BANP: variants seen among roughly 807,000 people sequenced by gnomAD.
BANP encodes the protein protein BANP.
Under a neutral mutation model 68.1 loss-of-function variants are expected in BANP, and 11 were observed. The ratio of observed to expected loss-of-function variants is 0.16; its 90% CI spans 0.10 to 0.27. The LOEUF is 0.27. Ranked by LOEUF, BANP falls within the 10% of genes least tolerant of loss-of-function variation. BANP has a pLI of 1.00. For synonymous variants in BANP, 329 were observed against 303.2 expected, an observed-to-expected ratio of 1.09 and a Z score of -0.88; for missense variants, 504 against 722.7, an observed-to-expected ratio of 0.70 and a Z score of 3.47.
intron 11 of BANP, among the ~76,000 whole-genome samples, chr16:88,040,551 G>A (rs1284223704): frequency 6.6e-6 from 1 of 152,160 alleles, no homozygotes; most frequent in East Asian, 1.9e-4. Flanking sequence ...GCCTACAGAA[G>A]CCCCGAGCAG....
intron 1 of BANP, chr16:87,966,772 AG>A (rs2060092164): frequency 3.3e-5 from 5 of 152,252 alleles, no homozygotes; most frequent in Admixed American, 3.3e-4. Flanking sequence ...TGTTTGTGGA[AG>A]GGCCTCGGCA....
chr16:87,958,852 G>A (rs890250027), intron 1 of BANP, among the ~76,000 whole-genome samples: 2 of 152,192 alleles, frequency 1.3e-5, no homozygotes, highest in African/African-American at 4.8e-5. Context: ...TGAGCTCAGC[G>A]GCACAAACTC....
chr16:88,042,555 C>T (rs1038636851), intron 11 of BANP, among the ~76,000 whole-genome samples: 13 of 152,232 alleles, frequency 8.5e-5, no homozygotes, highest in Non-Finnish European at 1.6e-4. Context: ...GTTCCAGCAT[C>T]GCTGGCTGGG....
At chr16:88,046,703 G>A (rs1429401696) in intron 11 of BANP, among the ~76,000 whole-genome samples, 4 of 151,334 alleles carry the variant, frequency 2.6e-5, no homozygotes, top group South Asian at 2.1e-4. Context: ...ACCCGCCACC[G>A]CACCCGGCTA....
In BANP at chr16:88,018,127, C is replaced by T. The variant is rs533926638; in HGVS notation, c.656-301C>T. On this transcript the variant is annotated intron_variant, in intron 6 of 13. Transcript: ENST00000682872. The surrounding 1 kb of genome is among the most constrained non-coding windows in gnomAD (Gnocchi z 7.7). ...AAGGATATCGGTATTGCTGGGGTCCCGGGTCCAGGGTGAGCAGAGTGTGTG... is the reference window on the plus strand; with the variant it reads ...AAGGATATCGGTATTGCTGGGGTCCTGGGTCCAGGGTGAGCAGAGTGTGTG... Among the ~76,000 whole-genome samples, 4 of 151,986 alleles carry T rather than the reference C, an allele frequency of 2.6e-5. No homozygotes were observed. Among genetic ancestry groups the T allele is most frequent in the Non-Finnish European group, 2.9e-5 (2 of 67,984 alleles).
intron 11 of BANP, 26 bp downstream of exon 11, chr16:88,038,037 T>TG: frequency 6.4e-7 from 1 of 1,574,038 alleles, no homozygotes; most frequent in South Asian, 1.1e-5. Context: ...CCCATGCACA[T>TG]GCGGGCGTTG....
chr16:88,017,026 G>A (rs1488681879), intron 6 of BANP, among the ~76,000 whole-genome samples: 2 of 152,260 alleles, frequency 1.3e-5, no homozygotes, highest in Non-Finnish European at 1.5e-5. Context: ...GGGAGAGGCT[G>A]CTTGTGGAGG....
intron 1 of BANP, among the ~76,000 whole-genome samples, chr16:87,973,254 C>T (rs2061437204): frequency 7.6e-6 from 1 of 132,048 alleles, no homozygotes; most frequent in Non-Finnish European, 1.8e-5. Flanking sequence ...TATTTGTCAT[C>T]AGCTCTTTTT....
chr16:88,049,387 T>A (rs1275144164), intron 11 of BANP, among the ~76,000 whole-genome samples: 1 of 152,156 alleles, frequency 6.6e-6, no homozygotes, highest in Non-Finnish European at 1.5e-5. Flanking sequence ...GCACAGAGCT[T>A]CCAGGCCTTC....
chr16:87,983,998 T>C (rs2063798816), intron 3 of BANP, 62 bp from the exon 4 acceptor site: 4 of 1,546,926 alleles, frequency 2.6e-6, no homozygotes, highest in Non-Finnish European at 8.7e-7. Flanking sequence ...TTGGTGTTTC[T>C]TGGGGTTGTC....
At position 87,957,696 on chromosome 16, in the gene BANP, G is replaced by A. The variant is rs1244912600; in HGVS notation, c.-69+6181G>A. 6.6e-6 allele frequency among the ~76,000 whole-genome samples: 1 copy of A among 152,268 alleles called. No individual in the cohort carries two copies. Among genetic ancestry groups the A allele is most frequent in the Non-Finnish European group, 1.5e-5 (1 of 68,046 alleles). On this transcript the variant is annotated intron_variant, in intron 1 of 13. Transcript: ENST00000682872. The surrounding 1 kb of genome is among the most constrained non-coding windows in gnomAD (Gnocchi z 4.3). ...GAAAGTAGAAACGCGTTTGGATGGAGCCGGGAGGGAGAACTGGGTGCGCGC... is the reference window on the plus strand; with the variant it reads ...GAAAGTAGAAACGCGTTTGGATGGAACCGGGAGGGAGAACTGGGTGCGCGC...
At chr16:87,964,864 G>A (rs2059765359) in intron 1 of BANP, among the ~76,000 whole-genome samples, 2 of 152,176 alleles carry the variant, frequency 1.3e-5, no homozygotes, top group African/African-American at 4.8e-5. Flanking sequence ...AAATTGAGGT[G>A]GAAAGTGTGG....
intron 1 of BANP, chr16:87,966,639 T>C (rs554891982): frequency 2.0e-5 from 3 of 152,314 alleles, no homozygotes; most frequent in African/African-American, 7.2e-5. Context: ...TTCAGAGCAT[T>C]TTCTGAAGCC....
chr16:87,981,241 C>T lies in BANP; in HGVS notation c.162+114C>T. The T allele has an allele frequency of 1.5e-5, 12 of 776,018 alleles. No homozygotes were observed. The South Asian group carries it at 1.7e-4, about 11-fold the overall frequency. 48.1% of individuals were successfully genotyped at this position (776,018 alleles called of 1,614,324 possible). ...AAATGTAGCCTCTCAGCTGTGGAGG[C>T]CAGAGATCCAAAATCAAGATGCAGG... On this transcript the variant is annotated intron_variant, in intron 3 of 13. Transcript: ENST00000682872.
chr16:88,071,187 T>G lies in BANP; in HGVS notation c.1378-882T>G. 1 of 336,560 alleles carries G rather than the reference T, an allele frequency of 3.0e-6. No individual in the cohort carries two copies. The highest frequency in any genetic ancestry group is 8.3e-5 in the East Asian group (1 of 12,088). 20.8% of individuals were successfully genotyped at this position (336,560 alleles called of 1,614,324 possible). On this transcript the variant is annotated intron_variant, in intron 12 of 13. Transcript: ENST00000682872. The surrounding 1 kb of genome is among the most constrained non-coding windows in gnomAD (Gnocchi z 6.5). ...GAGACTCTCAGTGCACAGAGTGCGG[T>G]TCTGTGTGGAGGTGTGGGATGCATC...
intron 11 of BANP, among the ~76,000 whole-genome samples, chr16:88,052,684 AC>A (rs1199345636): frequency 6.6e-6 from 1 of 151,720 alleles, no homozygotes; most frequent in Non-Finnish European, 1.5e-5. Context: ...TGCTATCACC[AC>A]CACCTCGACC....
At chr16:87,955,096 G>A (rs980352739) in intron 1 of BANP, among the ~76,000 whole-genome samples, 3 of 152,226 alleles carry the variant, frequency 2.0e-5, no homozygotes, top group African/African-American at 7.2e-5. Flanking sequence ...CTGGGTCAGT[G>A]TGCCAAGCGG....
At chr16:88,041,017 G>T (rs1197909162) in intron 11 of BANP, among the ~76,000 whole-genome samples, 1 of 152,206 alleles carries the variant, frequency 6.6e-6, no homozygotes, top group African/African-American at 2.4e-5. Flanking sequence ...TCCCTCTTCC[G>T]GCCATCCGTT....
intron 9 of BANP, among the ~76,000 whole-genome samples, chr16:88,034,826 A>T (rs1391240152): frequency 2.6e-5 from 4 of 152,130 alleles, no homozygotes. Flanking sequence ...CCCCTTACCC[A>T]TGCTTCCACT....
Sources: allele counts gnomAD v4.1 joint callset (sites outside exome capture counted in the v4.1 genomes callset), GRCh38; gene constraint gnomAD v4.1.1; non-coding constraint Gnocchi (gnomAD v3.1); transcripts MANE v1.5; gene names NCBI Gene and HGNC (gene_info 2026-07-23, HGNC 2026-07-21).